PREX2: variants seen among roughly 807,000 people sequenced by gnomAD.
The protein encoded by PREX2 is phosphatidylinositol-3,4,5-trisphosphate dependent Rac exchange factor 2, also known as phosphatidylinositol 3,4,5-trisphosphate-dependent Rac exchanger 2 protein.
PREX2 carries 107 observed loss-of-function variants against 203.2 expected under a neutral mutation model. The observed-to-expected ratio is 0.53, with a 90% confidence interval of 0.45 to 0.62. The LOEUF is 0.62. Among genes scored for constraint, PREX2 ranks in the 20% least tolerant of loss-of-function variants. The pLI, the probability that PREX2 is intolerant of heterozygous loss-of-function variation, is 0.00. For synonymous variants in PREX2, 672 were observed against 663.6 expected (o/e 1.01, Z -0.19); for missense variants, 1,777 against 1,955.9 (o/e 0.91, Z 1.72).
chr8:68,214,970 A>G (rs1421537615), intron 37 of PREX2, among the ~76,000 whole-genome samples: 1 of 152,226 alleles, frequency 6.6e-6, no homozygotes. Flanking sequence ...ATAAAGGTGC[A>G]GCCATCTGTT....
Position 68,157,305 on chromosome 8 carries a change from T to G in PREX2, c.4232-17T>G, listed in dbSNP as rs768533928. On this transcript the variant is annotated splice_polypyrimidine_tract_variant and intron_variant, in intron 34 of 39. Coordinates refer to ENST00000288368, the MANE Select transcript of PREX2 (RefSeq NM_024870.4). ...GTTATAAAGTTGCTTGTAAAATATG[T>G]TTACTTGTTTACACAGCACTAGAGA... The G allele has an allele frequency of 1.8e-5, 25 of 1,374,712 alleles. No homozygotes were observed. The highest frequency in any genetic ancestry group is 2.5e-5 in the Non-Finnish European group (24 of 972,544). The allele number at this position is 1,374,712 out of a possible 1,614,324, so 85.2% of individuals were successfully genotyped here.
Position 68,146,076 on chromosome 8 carries a change from C to CA in PREX2, c.4088-131dup, listed in dbSNP as rs1185176519. ...CTGAATAGCACTGTATGTCGAATCC[C>CA]AACTTGATAAACATGATCACGTTTA... On this transcript the variant is annotated intron_variant, in intron 33 of 39. Coordinates refer to ENST00000288368, the MANE Select transcript of PREX2 (RefSeq NM_024870.4). The CA allele has an allele frequency of 3.1e-5, 19 of 613,962 alleles. No homozygotes were observed. In the African/African-American group the frequency reaches 3.2e-4, roughly 10 times the overall value. 38.0% of individuals were successfully genotyped at this position (613,962 alleles called of 1,614,324 possible). A position where few individuals can be genotyped will look rare whatever the true frequency, so the allele number is the denominator to read the frequency against.
intron 32 of PREX2, among the ~76,000 whole-genome samples, chr8:68,138,122 A>C (rs1415776347): frequency 6.6e-6 from 1 of 152,234 alleles, no homozygotes; most frequent in Non-Finnish European, 1.5e-5. Context: ...AAATGAAATC[A>C]ATATGATTAG....
At position 68,236,678 on chromosome 8, in the gene PREX2, C is replaced by T. The variant is rs1012008920; in HGVS notation, c.*5300C>T. 5 of 151,886 alleles carry T rather than the reference C, an allele frequency of 3.3e-5. No individual in the cohort carries two copies. The highest frequency in any genetic ancestry group is 4.4e-5 in the Non-Finnish European group (3 of 67,952). The allele number at this position is 151,886 out of a possible 1,614,324, so 9.4% of individuals were successfully genotyped here. On this transcript the variant is annotated 3_prime_UTR_variant, in exon 40 of 40. Transcript: ENST00000288368. ...AAATGAGTAGAACAGAGCTTTTTGC[C>T]TAAAAATATTTTTATAAGTACTCAT...
At chr8:68,138,587 A>G in intron 33 of PREX2, 70 bp downstream of exon 33, 1 of 673,872 alleles carries the variant, frequency 1.5e-6, no homozygotes, top group Non-Finnish European at 2.5e-6. Flanking sequence ...TTTGGTATTA[A>G]TATATTTGAT....
At chr8:68,006,006 C>T (rs1807082681) in intron 1 of PREX2, among the ~76,000 whole-genome samples, 1 of 152,346 alleles carries the variant, frequency 6.6e-6, no homozygotes, top group South Asian at 2.1e-4. Context: ...CACTTGCCCT[C>T]AGTTGATTTT....
intron 35 of PREX2, among the ~76,000 whole-genome samples, chr8:68,188,781 A>G (rs1302362470): frequency 1.3e-5 from 2 of 152,186 alleles, no homozygotes; most frequent in Admixed American, 6.5e-5. Flanking sequence ...AATTATCTCC[A>G]TCTGGCCCCA....
At chr8:68,041,756 A>G (rs1808203478) in intron 7 of PREX2, among the ~76,000 whole-genome samples, 1 of 152,080 alleles carries the variant, frequency 6.6e-6, no homozygotes, top group African/African-American at 2.4e-5. Context: ...TTTTAGTGCA[A>G]TTATTAAAGG....
intron 20 of PREX2, among the ~76,000 whole-genome samples, chr8:68,091,952 C>T (rs773583674): frequency 6.6e-6 from 1 of 152,144 alleles, no homozygotes; most frequent in Non-Finnish European, 1.5e-5. Flanking sequence ...TGGCTTAAAA[C>T]AATGATAATT....
intron 35 of PREX2, among the ~76,000 whole-genome samples, chr8:68,190,035 T>C (rs1170709476): frequency 6.6e-6 from 1 of 152,202 alleles, no homozygotes; most frequent in African/African-American, 2.4e-5. Context: ...TTGCTAGTAA[T>C]GGGAATATCA....
intron 32 of PREX2, among the ~76,000 whole-genome samples, chr8:68,135,164 TA>T (rs1489594534): frequency 6.6e-6 from 1 of 150,668 alleles, no homozygotes; most frequent in Non-Finnish European, 1.5e-5. Flanking sequence ...TAACACATGG[TA>T]GGCATCAATT....
At chr8:68,092,754 A>T (rs1809920362) in intron 20 of PREX2, among the ~76,000 whole-genome samples, 1 of 152,190 alleles carries the variant, frequency 6.6e-6, no homozygotes, top group Non-Finnish European at 1.5e-5. Flanking sequence ...GGGAACATGT[A>T]AATGATTTGT....
intron 38 of PREX2, among the ~76,000 whole-genome samples, chr8:68,222,929 C>T (rs1812984153): frequency 6.6e-6 from 1 of 152,178 alleles, no homozygotes; most frequent in African/African-American, 2.4e-5. Flanking sequence ...CAAACTGAGA[C>T]ATTCTGCAAA....
chr8:68,203,763 C>G (rs1174583497), intron 37 of PREX2, among the ~76,000 whole-genome samples: 1 of 152,138 alleles, frequency 6.6e-6, no homozygotes, highest in African/African-American at 2.4e-5. Context: ...CAGGGTAAAA[C>G]AGAAGGATCC....
chr8:67,952,629 C>T lies in PREX2; in HGVS notation c.141+94C>T, dbSNP rs768291272. On this transcript the variant is annotated intron_variant, in intron 1 of 39. Coordinates refer to ENST00000288368, the MANE Select transcript of PREX2 (RefSeq NM_024870.4). ...GGAAGGACGCGCGGCATTGTCTGTG[C>T]GGGGACCCGGGACGGGTCGGGGCAT... 5 of 1,506,416 alleles carry T rather than the reference C, an allele frequency of 3.3e-6. No individual in the cohort carries two copies. The Admixed American group carries it at 5.9e-5, about 18-fold the overall frequency. The allele number at this position is 1,506,416 out of a possible 1,614,324, so 93.3% of individuals were successfully genotyped here. A position where few individuals can be genotyped will look rare whatever the true frequency, so the allele number is the denominator to read the frequency against.
At chr8:68,135,457 C>T (rs1811097639) in intron 32 of PREX2, among the ~76,000 whole-genome samples, 1 of 151,950 alleles carries the variant, frequency 6.6e-6, no homozygotes, top group Admixed American at 6.6e-5. Flanking sequence ...ATAAAAATGT[C>T]CAAAAAGCAC....
In PREX2 at chr8:68,217,818, T is replaced by C. The variant is rs191258480; in HGVS notation, c.4707+100T>C. On this transcript the variant is annotated intron_variant, in intron 38 of 39. Coordinates refer to ENST00000288368, the MANE Select transcript of PREX2 (RefSeq NM_024870.4). ...GGGTTTGACAGGTGCCTGGATGTGA[T>C]GGACAGTTTACTAGGCTCAGAGGTA... 404 of 735,314 alleles carry C rather than the reference T, an allele frequency of 5.5e-4. 2 individuals are homozygous for C. In the African/African-American group the frequency reaches 9.5e-3, roughly 17 times the overall value. 45.5% of individuals were successfully genotyped at this position (735,314 alleles called of 1,614,324 possible).
At chr8:68,215,949 TCA>T (rs557129333) in intron 37 of PREX2, among the ~76,000 whole-genome samples, 2 of 152,320 alleles carry the variant, frequency 1.3e-5, no homozygotes, top group East Asian at 3.9e-4. Flanking sequence ...GTTATCGGAC[TCA>T]CACACTAAAA....
At chr8:68,068,832 CTG>C (rs1381825429) in intron 11 of PREX2, among the ~76,000 whole-genome samples, 199 bp from the exon 12 acceptor site, 3 of 112,548 alleles carry the variant, frequency 2.7e-5, no homozygotes, top group Non-Finnish European at 4.0e-5. Flanking sequence ...TATATGGAAA[CTG>C]TAATATTTTT....
Sources: allele counts gnomAD v4.1 joint callset (sites outside exome capture counted in the v4.1 genomes callset), GRCh38; gene constraint gnomAD v4.1.1; transcripts MANE v1.5; gene names NCBI Gene and HGNC (gene_info 2026-07-23, HGNC 2026-07-21).